Variants in CCDC88C observed in about 807,000 individuals in gnomAD.
The protein encoded by CCDC88C is protein Daple.
A neutral mutation model predicts 198.8 loss-of-function variants in CCDC88C; 131 were observed. The observed-to-expected ratio is 0.66, with a 90% CI of 0.57 to 0.76. The LOEUF (loss-of-function observed/expected upper bound fraction) is 0.76, where lower values mean the gene tolerates loss of function less well. Among genes scored for constraint, CCDC88C ranks in the 30% least tolerant of loss-of-function variants. CCDC88C has a pLI of 0.00. For missense variants in CCDC88C, 2,553 were observed against 2,631.6 expected (o/e 0.97, Z 0.65); for synonymous variants, 1,166 against 1,114.7 (o/e 1.05, Z -0.92).
chr14:91,315,844 G>A, intron 13 of CCDC88C, 57 bp from the exon 14 acceptor site: 1 of 1,567,866 alleles, frequency 6.4e-7, no homozygotes, highest in Non-Finnish European at 8.7e-7. Context: ...AGTGAACCAT[G>A]ATTTAAAACA....
chr14:91,310,366 A>G (rs1891766111), intron 15 of CCDC88C, among the ~76,000 whole-genome samples: 2 of 151,968 alleles, frequency 1.3e-5, no homozygotes, highest in Middle Eastern at 6.8e-3. Context: ...TTTGAAACAG[A>G]AAATGTGTAA....
In CCDC88C at chr14:91,273,835, G is replaced by A. The variant is rs565301599; in HGVS notation, c.5059-182C>T. Among the ~76,000 whole-genome samples, 33 of 152,314 alleles carry A rather than the reference G, an allele frequency of 2.2e-4. No homozygotes were observed. The highest frequency in any genetic ancestry group is 2.2e-3 in the Admixed American group (33 of 15,306). On this transcript the variant is annotated intron_variant, in intron 29 of 29. Transcript: ENST00000389857. This position sits in a 1 kb window ranked among gnomAD's most constrained non-coding sequence, Gnocchi z 5.6. ...ACCAGCCCTGGGCAGGATGGTGAGG[G>A]TGGCTAAGGCAGCATGGGACCACCA...
At chr14:91,274,335 C>T (rs535474069) in intron 29 of CCDC88C, among the ~76,000 whole-genome samples, 8 of 152,202 alleles carry the variant, frequency 5.3e-5, no homozygotes, top group Admixed American at 3.9e-4. Flanking sequence ...GCTAAGCTGC[C>T]GCCCGGGCTG....
intron 10 of CCDC88C, among the ~76,000 whole-genome samples, chr14:91,332,552 C>T (rs933900985): frequency 1.2e-4 from 19 of 152,192 alleles, no homozygotes; most frequent in African/African-American, 4.1e-4. Context: ...TGGCAGGATG[C>T]GCTCTCCCTT....
intron 16 of CCDC88C, 130 bp downstream of exon 16, chr14:91,309,729 A>T (rs1891731261): frequency 1.1e-6 from 1 of 908,338 alleles, no homozygotes. Context: ...TTTGGGTTCA[A>T]GGAACCGCGT....
At chr14:91,349,436 A>G (rs1172023072) in intron 4 of CCDC88C, among the ~76,000 whole-genome samples, 1 of 152,240 alleles carries the variant, frequency 6.6e-6, no homozygotes, top group South Asian at 2.1e-4. Context: ...TAAGTGCTTT[A>G]TGGTTACACT....
At chr14:91,310,634 T>G (rs1891777332) in intron 15 of CCDC88C, among the ~76,000 whole-genome samples, 1 of 152,178 alleles carries the variant, frequency 6.6e-6, no homozygotes, top group South Asian at 2.1e-4. Flanking sequence ...GGTCTTGAAC[T>G]CCTGGCCTCA....
In CCDC88C at chr14:91,283,281, A is replaced by G. The variant is rs1309182319; in HGVS notation, c.4630+48T>C. The G allele has an allele frequency of 3.8e-6, 6 of 1,576,346 alleles. No individual in the cohort carries two copies. In the South Asian group the frequency reaches 6.9e-5, roughly 18 times the overall value. ...TTCCGAGAGCCTGGGGTCTTCAGGA[A>G]GGACACTAGGCCCGACGCTCATGGC... On this transcript the variant is annotated intron_variant, in intron 26 of 29. Coordinates refer to ENST00000389857, the MANE Select transcript of CCDC88C (RefSeq NM_001080414.4).
intron 4 of CCDC88C, among the ~76,000 whole-genome samples, chr14:91,353,862 G>A (rs1038872325): frequency 6.6e-6 from 1 of 152,232 alleles, no homozygotes; most frequent in African/African-American, 2.4e-5. Context: ...GGACCCTGTA[G>A]GGTGTGCATA....
chr14:91,413,335 C>T (rs1338739888), intron 2 of CCDC88C, among the ~76,000 whole-genome samples: 1 of 152,086 alleles, frequency 6.6e-6, no homozygotes, highest in African/African-American at 2.4e-5. Context: ...AATACCATCC[C>T]CTTATTACAG....
chr14:91,289,430 T>A, intron 24 of CCDC88C, 87 bp from the exon 25 acceptor site: 1 of 1,155,014 alleles, frequency 8.7e-7, no homozygotes, highest in Non-Finnish European at 1.3e-6. Flanking sequence ...GCTGGGATGT[T>A]CTTCCCCAGT....
Position 91,309,936 on chromosome 14 carries a change from G to T in CCDC88C, c.2787C>A (p.Asp929Glu). 1 of 1,607,100 alleles carries T rather than the reference G, an allele frequency of 6.2e-7. No homozygotes were observed. Among genetic ancestry groups the T allele is most frequent in the Non-Finnish European group, 8.5e-7 (1 of 1,176,870 alleles). Residue 929 changes from aspartate (D) to glutamate (E), a missense_variant, in exon 16 of 30, where the codon GAC becomes GAA. By Grantham distance (45) the Asp-to-Glu change is conservative (BLOSUM62 2). Coordinates refer to ENST00000389857, the MANE Select transcript of CCDC88C (RefSeq NM_001080414.4). ...LKSQQLSSEL[D>E]KLSQELEKVG... ...CCTTCTCCAGTTCCTGGCTCAGCTT[G>T]TCCAGCTCACTGCTGAGCTGCTGGC...
Position 91,327,429 on chromosome 14 carries a change from T to C in CCDC88C, c.1051-1373A>G, listed in dbSNP as rs553641646. 6.1e-4 allele frequency among the ~76,000 whole-genome samples: 93 copies of C among 152,340 alleles called. 2 individuals are homozygous for C. The South Asian group carries it at 0.015, about 25-fold the overall frequency. The stretch of plus-strand genomic sequence containing the variant: ...TGTGCCCAGCAGAGACCACATCTAC[T>C]ATGTGGCTGGCCCTGCCCCAGGCAA... On this transcript the variant is annotated intron_variant, in intron 10 of 29. Transcript: ENST00000389857.
chr14:91,393,883 A>G (rs986619119), intron 3 of CCDC88C, among the ~76,000 whole-genome samples: 2 of 152,146 alleles, frequency 1.3e-5, no homozygotes, highest in African/African-American at 2.4e-5. Context: ...CATGAGCTCT[A>G]CTCCGTAAAA....
intron 12 of CCDC88C, among the ~76,000 whole-genome samples, chr14:91,324,379 G>A (rs1268526473): frequency 6.6e-6 from 1 of 152,244 alleles, no homozygotes; most frequent in African/African-American, 2.4e-5. Context: ...GCAAATGAAT[G>A]GAGGAAATGA....
At chr14:91,393,681 C>G (rs1344541616) in intron 3 of CCDC88C, among the ~76,000 whole-genome samples, 1 of 152,218 alleles carries the variant, frequency 6.6e-6, no homozygotes, top group Non-Finnish European at 1.5e-5. Context: ...TGGTGAAACC[C>G]CATCTCTACT....
At chr14:91,286,771 G>C (rs902891608) in intron 25 of CCDC88C, among the ~76,000 whole-genome samples, 1 of 152,178 alleles carries the variant, frequency 6.6e-6, no homozygotes, top group Non-Finnish European at 1.5e-5. Context: ...AGTCCATGCA[G>C]TTAAGTGCAT....
chr14:91,329,236 C>T (rs374229345), intron 10 of CCDC88C, among the ~76,000 whole-genome samples: 1 of 152,240 alleles, frequency 6.6e-6, no homozygotes, highest in Non-Finnish European at 1.5e-5. Flanking sequence ...GCAGGTCTGT[C>T]CTATTCAACG....
chr14:91,328,632 G>A (rs1273572606), intron 10 of CCDC88C, among the ~76,000 whole-genome samples: 2 of 152,184 alleles, frequency 1.3e-5, no homozygotes, highest in South Asian at 2.1e-4. Flanking sequence ...CAGTGATTAG[G>A]CACGGGAGCT....
Sources: allele counts gnomAD v4.1 joint callset (sites outside exome capture counted in the v4.1 genomes callset), GRCh38; gene constraint gnomAD v4.1.1; non-coding constraint Gnocchi (gnomAD v3.1); transcripts MANE v1.5; gene names NCBI Gene and HGNC (gene_info 2026-07-23, HGNC 2026-07-21).